The following ELMO2 variants were observed in gnomAD, a reference collection of about 807,000 sequenced individuals.
ELMO2 encodes the protein engulfment and cell motility protein 2.
Under a neutral mutation model 96.2 loss-of-function variants are expected in ELMO2, and 37 were observed. The observed-to-expected ratio is 0.38, with a 90% confidence interval of 0.30 to 0.51. The LOEUF is 0.51. Ranked by LOEUF, ELMO2 falls within the 20% of genes least tolerant of loss-of-function variation. The probability of loss-of-function intolerance (pLI) is 0.88; values close to 1 mark genes in which losing one functional copy is unlikely to be tolerated. For missense variants in ELMO2, 561 were observed against 912.6 expected (o/e 0.61, Z 4.96); for synonymous variants, 315 against 329.4 (o/e 0.96, Z 0.47).
intron 9 of ELMO2, 76 bp downstream of exon 9, chr20:46,386,048 G>C (rs1351259168): frequency 1.4e-5 from 21 of 1,516,180 alleles, no homozygotes; most frequent in Non-Finnish European, 1.9e-5. Flanking sequence ...AGGAGAGTAG[G>C]ATTGGAAGAC....
Position 46,375,758 on chromosome 20 carries a change from A to G in ELMO2, c.840T>C (p.Thr280=). The change falls in exon 12 of 22, where the codon ACT becomes ACC. Residue 280 remains threonine (T), a synonymous_variant. Coordinates refer to ENST00000290246, the MANE Select transcript of ELMO2 (RefSeq NM_133171.5). The surrounding 1 kb of genome is among the most constrained non-coding windows in gnomAD (Gnocchi z 4.6). ...GGACATATAGCTGATGGGCCATCTCAGTTTTGATGGGGCGGTTCCCTCGGA... is the reference window on the plus strand; with the variant it reads ...GGACATATAGCTGATGGGCCATCTCGGTTTTGATGGGGCGGTTCCCTCGGA... ...HVIRGNRPIK[T]EMAHQLYVLQ... is the part of the protein sequence containing the mutation. 1 of 1,614,194 alleles carries G rather than the reference A, an allele frequency of 6.2e-7. No individual in the cohort carries two copies. Among genetic ancestry groups the G allele is most frequent in the Non-Finnish European group, 8.5e-7 (1 of 1,180,020 alleles).
At chr20:46,376,594 T>A in intron 11 of ELMO2, 7 of 1,285,884 alleles carry the variant, frequency 5.4e-6, no homozygotes, top group Non-Finnish European at 7.1e-6. Flanking sequence ...CTGTCCTAGC[T>A]GATCAACCCT....
At chr20:46,370,217 C>T (rs778855203) in intron 20 of ELMO2, 6 of 662,044 alleles carry the variant, frequency 9.1e-6, no homozygotes, top group African/African-American at 1.8e-5. Flanking sequence ...TTCTTCAAAG[C>T]GATAAAGGAG....
At chr20:46,383,587 A>C (rs1464340477) in intron 9 of ELMO2, 93 bp from the exon 10 acceptor site, 1 of 1,207,544 alleles carries the variant, frequency 8.3e-7, no homozygotes, top group Admixed American at 1.7e-5. Flanking sequence ...CTCACAGATT[A>C]TAAGCAAATA....
chr20:46,386,538 G>T (rs183103602), intron 8 of ELMO2, among the ~76,000 whole-genome samples: 127 of 152,190 alleles, frequency 8.3e-4, no homozygotes, highest in Middle Eastern at 3.4e-3. Context: ...TCAAAATAAG[G>T]GTTCCAGTTT....
In ELMO2 at chr20:46,375,476, TC is replaced by T; in HGVS notation, c.931-107del. The stretch of plus-strand genomic sequence containing the variant: ...TGGGCCAAACTTTGGCCCCAATCAA[TC>T]CCTTAGGAGGCATCACCTCTACCAC... On this transcript the variant is annotated intron_variant, in intron 12 of 21. Transcript: ENST00000290246. The surrounding 1 kb of genome is among the most constrained non-coding windows in gnomAD (Gnocchi z 4.6). 6.6e-7 allele frequency: 1 copy of T among 1,520,088 alleles called. No homozygotes were observed. Among genetic ancestry groups the T allele is most frequent in the Non-Finnish European group, 8.9e-7 (1 of 1,123,302 alleles). The allele number at this position is 1,520,088 out of a possible 1,614,324, so 94.2% of individuals were successfully genotyped here.
intron 16 of ELMO2, among the ~76,000 whole-genome samples, chr20:46,372,643 CAAA>C (rs2059747864): frequency 1.3e-5 from 2 of 152,092 alleles, no homozygotes; most frequent in Non-Finnish European, 2.9e-5. Flanking sequence ...AAAAAACAAA[CAAA>C]AGAATAGAAA....
intron 1 of ELMO2, among the ~76,000 whole-genome samples, chr20:46,403,773 C>A (rs2060374425): frequency 6.6e-6 from 1 of 152,210 alleles, no homozygotes; most frequent in South Asian, 2.1e-4. Flanking sequence ...GGTAGATACT[C>A]AGTGAGCAAT....
chr20:46,373,137 T>C, intron 16 of ELMO2: 1 of 458,780 alleles, frequency 2.2e-6, no homozygotes, highest in Admixed American at 3.6e-5. Flanking sequence ...CCTCCTGACC[T>C]CTCTGGAGGA....
chr20:46,397,090 C>T (rs1376248935), intron 2 of ELMO2, among the ~76,000 whole-genome samples: 1 of 152,106 alleles, frequency 6.6e-6, no homozygotes, highest in Non-Finnish European at 1.5e-5. Flanking sequence ...TTCTCTTGAC[C>T]CCATATGACA....
At position 46,367,288 on chromosome 20, in the gene ELMO2, G is replaced by A; in HGVS notation, c.*72C>T. 2.3e-6 allele frequency: 3 copies of A among 1,320,826 alleles called. No individual in the cohort carries two copies. Among genetic ancestry groups the A allele is most frequent in the Non-Finnish European group, 3.0e-6 (3 of 997,250 alleles). The allele number at this position is 1,320,826 out of a possible 1,614,324, so 81.8% of individuals were successfully genotyped here. A position where few individuals can be genotyped will look rare whatever the true frequency, so the allele number is the denominator to read the frequency against. On this transcript the variant is annotated 3_prime_UTR_variant, in exon 22 of 22. Coordinates refer to ENST00000290246, the MANE Select transcript of ELMO2 (RefSeq NM_133171.5). ...AGATTCTGTACAAGCAAAAGACAAG[G>A]CACCAGAATGTAAGTGTTTCTCCTG... is the stretch of plus-strand genomic sequence containing the variant.
In ELMO2 at chr20:46,394,099, A is replaced by T. The variant is rs1261032813; in HGVS notation, c.79-10T>A. The T allele has an allele frequency of 1.2e-6, 2 of 1,610,860 alleles. No homozygotes were observed. Among genetic ancestry groups the T allele is most frequent in the Non-Finnish European group, 1.7e-6 (2 of 1,177,324 alleles). On this transcript the variant is annotated splice_polypyrimidine_tract_variant and intron_variant, in intron 3 of 21. Transcript: ENST00000290246. The stretch of plus-strand genomic sequence containing the variant: ...ATGCCAGGGGCCGTTTCTGAAAGAG[A>T]GAGAGAGAAAGCCTTCAACAGCAGC...
intron 1 of ELMO2, among the ~76,000 whole-genome samples, chr20:46,399,020 A>G (rs1407553940): frequency 1.3e-5 from 2 of 152,236 alleles, no homozygotes; most frequent in Non-Finnish European, 2.9e-5. Flanking sequence ...GTATGTTATT[A>G]TCCCCACCTT....
intron 11 of ELMO2, chr20:46,376,580 C>A: frequency 7.9e-7 from 1 of 1,263,620 alleles, no homozygotes; most frequent in Non-Finnish European, 1.0e-6. Context: ...ATGTCTCCCT[C>A]GGTCTGTCCT....
At chr20:46,401,660 C>T (rs2145860623) in intron 1 of ELMO2, among the ~76,000 whole-genome samples, 1 of 152,308 alleles carries the variant, frequency 6.6e-6, no homozygotes, top group East Asian at 1.9e-4. Flanking sequence ...CTTTCAGATT[C>T]GCTTTTGCAG....
chr20:46,402,341 T>C (rs1406057203), intron 1 of ELMO2, among the ~76,000 whole-genome samples: 1 of 152,194 alleles, frequency 6.6e-6, no homozygotes, highest in Non-Finnish European at 1.5e-5. Flanking sequence ...CAGACCTAAA[T>C]GCCTTCAGAA....
Position 46,394,544 on chromosome 20 carries a change from G to A in ELMO2, c.-50-12C>T. 2 of 1,553,170 alleles carry A rather than the reference G, an allele frequency of 1.3e-6. No homozygotes were observed. The highest frequency in any genetic ancestry group is 2.7e-5 in the African/African-American group (2 of 73,796). Reference sequence around the variant, plus strand: ...ACAGACACGGCTGCCTGGGGAGAAAGAATCAGAAAGGTGGAAAAAGAGTAT... The same window carrying A: ...ACAGACACGGCTGCCTGGGGAGAAAAAATCAGAAAGGTGGAAAAAGAGTAT... On this transcript the variant is annotated splice_polypyrimidine_tract_variant and intron_variant, in intron 2 of 21. Coordinates refer to ENST00000290246, the MANE Select transcript of ELMO2 (RefSeq NM_133171.5).
At chr20:46,396,692 G>A (rs986347532) in intron 2 of ELMO2, among the ~76,000 whole-genome samples, 3 of 152,170 alleles carry the variant, frequency 2.0e-5, no homozygotes, top group Admixed American at 6.5e-5. Flanking sequence ...GGCACAGAAG[G>A]TACAACAGAA....
At position 46,375,911 on chromosome 20, in the gene ELMO2, G is replaced by A. The variant is rs1170052963; in HGVS notation, c.808-121C>T. On this transcript the variant is annotated intron_variant, in intron 11 of 21. Coordinates refer to ENST00000290246, the MANE Select transcript of ELMO2 (RefSeq NM_133171.5). This position sits in a 1 kb window ranked among gnomAD's most constrained non-coding sequence, Gnocchi z 4.6. ...GGAACAGAGCTTTCCTCCCACACAC[G>A]AGGACTTCATATTCTAGAAGGCGAT... 6.8e-6 allele frequency: 9 copies of A among 1,331,166 alleles called. No individual in the cohort carries two copies. Among genetic ancestry groups the A allele is most frequent in the South Asian group, 2.8e-5 (2 of 71,352 alleles). The allele number at this position is 1,331,166 out of a possible 1,614,324, so 82.5% of individuals were successfully genotyped here. A position where few individuals can be genotyped will look rare whatever the true frequency, so the allele number is the denominator to read the frequency against.
Sources: allele counts gnomAD v4.1 joint callset (sites outside exome capture counted in the v4.1 genomes callset), GRCh38; gene constraint gnomAD v4.1.1; non-coding constraint Gnocchi (gnomAD v3.1); transcripts MANE v1.5; gene names NCBI Gene and HGNC (gene_info 2026-07-23, HGNC 2026-07-21).